The following RASSF8 variants were observed in gnomAD, a reference collection of about 807,000 sequenced individuals.
RASSF8 encodes the protein Ras association domain family member 8.
A neutral mutation model predicts 48.5 loss-of-function variants in RASSF8; 22 were observed. The observed-to-expected ratio is 0.45, with a 90% confidence interval of 0.32 to 0.65. The LOEUF is 0.65. RASSF8 is among the 30% of genes least tolerant of loss of function. RASSF8 has a pLI of 0.03. For synonymous variants in RASSF8, 127 were observed against 171.5 expected (o/e 0.74, Z 2.03); for missense variants, 418 against 489.2 (o/e 0.85, Z 1.37).
chr12:26,014,045 GC>G (rs1942589008), intron 2 of RASSF8, among the ~76,000 whole-genome samples: 4 of 152,140 alleles, frequency 2.6e-5, no homozygotes, highest in African/African-American at 9.7e-5. Flanking sequence ...GACCTTTGTT[GC>G]TTTGTGAAAT....
intron 2 of RASSF8, among the ~76,000 whole-genome samples, chr12:26,026,721 A>C (rs905940881): frequency 6.6e-6 from 1 of 152,140 alleles, no homozygotes; most frequent in African/African-American, 2.4e-5. Flanking sequence ...TAGGCGTAAT[A>C]TTAATTTTAA....
At chr12:25,960,822 A>G (rs1481003870) in intron 1 of RASSF8, among the ~76,000 whole-genome samples, 2 of 152,154 alleles carry the variant, frequency 1.3e-5, no homozygotes, top group African/African-American at 2.4e-5. Flanking sequence ...GGAGCAAATC[A>G]TGGGGCTGTG....
intron 2 of RASSF8, among the ~76,000 whole-genome samples, chr12:26,007,970 A>T (rs1013015770): frequency 1.3e-5 from 2 of 152,166 alleles, no homozygotes; most frequent in Non-Finnish European, 2.9e-5. Flanking sequence ...CTTCAAAAGG[A>T]TATTACTTTA....
intron 2 of RASSF8, chr12:26,011,893 A>G (rs1942534388): frequency 1.3e-5 from 2 of 152,242 alleles, no homozygotes; most frequent in African/African-American, 4.8e-5. Flanking sequence ...CAAATGGACT[A>G]ACACAGTGAC....
At chr12:26,035,874 A>G (rs1489839568) in intron 2 of RASSF8, among the ~76,000 whole-genome samples, 3 of 141,038 alleles carry the variant, frequency 2.1e-5, no homozygotes, top group Non-Finnish European at 4.5e-5. Context: ...AAAATTATAT[A>G]TTATATATTA....
chr12:26,053,560 T>C (rs1943539255), intron 2 of RASSF8, among the ~76,000 whole-genome samples: 2 of 152,212 alleles, frequency 1.3e-5, no homozygotes, highest in Admixed American at 1.3e-4. Flanking sequence ...CCTATTAAAG[T>C]CTCAGAGAAG....
intron 1 of RASSF8, among the ~76,000 whole-genome samples, chr12:25,962,574 C>G (rs1874349): frequency 0.41 from 62,269 of 151,836 alleles, 13,911 homozygotes; most frequent in Non-Finnish European, 0.51. Flanking sequence ...TGAGTAAGAT[C>G]GTAATATCAG....
At chr12:26,027,361 G>A (rs766930768) in intron 2 of RASSF8, among the ~76,000 whole-genome samples, 1 of 152,176 alleles carries the variant, frequency 6.6e-6, no homozygotes, top group Non-Finnish European at 1.5e-5. Flanking sequence ...CAGTAAAGCT[G>A]TTGTTTAAAC....
chr12:26,052,168 T>G (rs1451358941), intron 2 of RASSF8, among the ~76,000 whole-genome samples: 1 of 152,232 alleles, frequency 6.6e-6, no homozygotes, highest in Non-Finnish European at 1.5e-5. Context: ...TAGTGATTTT[T>G]GGGATTACAA....
chr12:26,071,787 G>C lies in RASSF8; in HGVS notation c.*2969G>C. The C allele has an allele frequency of 1.0e-6, 1 of 978,456 alleles. No homozygotes were observed. 60.6% of individuals were successfully genotyped at this position (978,456 alleles called of 1,614,324 possible). ...CATAAACAAGAGCTACAGCAAGACT[G>C]ATAGAGTAAAAACTATATAAATACA... On this transcript the variant is annotated 3_prime_UTR_variant, in exon 6 of 6. Transcript: ENST00000689635.
intron 2 of RASSF8, among the ~76,000 whole-genome samples, chr12:26,035,856 A>T (rs1038334598): frequency 1.4e-5 from 2 of 141,968 alleles, no homozygotes; most frequent in African/African-American, 2.5e-5. Flanking sequence ...TATTATATAA[A>T]ATATAATAAA....
At chr12:26,053,085 T>C (rs1943527571) in intron 2 of RASSF8, 1 of 152,144 alleles carries the variant, frequency 6.6e-6, no homozygotes, top group Non-Finnish European at 1.5e-5. Context: ...ATGAGTAAGT[T>C]CTAGAGATCT....
chr12:25,963,710 G>C (rs771230905), intron 1 of RASSF8, among the ~76,000 whole-genome samples: 8 of 152,100 alleles, frequency 5.3e-5, no homozygotes, highest in Non-Finnish European at 8.8e-5. Flanking sequence ...GAGTGGTCTG[G>C]ACCCTGAGGT....
At chr12:26,060,208 T>G (rs1018612320) in intron 3 of RASSF8, among the ~76,000 whole-genome samples, 1 of 152,178 alleles carries the variant, frequency 6.6e-6, no homozygotes, top group Non-Finnish European at 1.5e-5. Context: ...CTATTTTTAT[T>G]ATGTTTAGTA....
chr12:25,993,447 C>T (rs1348362781), intron 1 of RASSF8, among the ~76,000 whole-genome samples: 1 of 152,128 alleles, frequency 6.6e-6, no homozygotes, highest in Non-Finnish European at 1.5e-5. Context: ...TGAGGCTTTA[C>T]TGAAGAAAAG....
intron 2 of RASSF8, among the ~76,000 whole-genome samples, chr12:26,044,769 A>G (rs145154875): frequency 9.1e-4 from 138 of 152,336 alleles, no homozygotes; most frequent in Non-Finnish European, 1.5e-3. Flanking sequence ...CTCCAGTAGT[A>G]TGAAACACTC....
In RASSF8 at chr12:25,965,978, T is replaced by C. The variant is rs544676978; in HGVS notation, c.-203+6830T>C. On this transcript the variant is annotated intron_variant, in intron 1 of 5. Transcript: ENST00000689635. ...GTTGCTAATTTTTGGCTATTACAAA[T>C]AAAGCTGTTATGAATACTTGCATAC... is the stretch of plus-strand genomic sequence containing the variant. Among the ~76,000 whole-genome samples the C allele has an allele frequency of 1.5e-4, 23 of 152,344 alleles. No homozygotes were observed. In the East Asian group the frequency reaches 4.4e-3, roughly 29 times the overall value.
intron 2 of RASSF8, chr12:26,021,387 A>G (rs1942783772): frequency 1.3e-5 from 2 of 152,246 alleles, no homozygotes; most frequent in Admixed American, 6.5e-5. Context: ...TTAAGAGGTG[A>G]GACCTTTATG....
downstream of RASSF8, among the ~76,000 whole-genome samples, chr12:26,075,924 G>A (rs1944067920): frequency 2.0e-5 from 3 of 152,064 alleles, no homozygotes; most frequent in Non-Finnish European, 2.9e-5. Context: ...GCCACAAACT[G>A]CTCCTACATC....
Sources: allele counts gnomAD v4.1 joint callset (sites outside exome capture counted in the v4.1 genomes callset), GRCh38; gene constraint gnomAD v4.1.1; transcripts MANE v1.5; gene names NCBI Gene and HGNC (gene_info 2026-07-23, HGNC 2026-07-21).